CSNK1G3: variants seen among roughly 807,000 people sequenced by gnomAD.
CSNK1G3 encodes casein kinase 1 gamma 3, also known as casein kinase I isoform gamma-3.
A neutral mutation model predicts 64.3 loss-of-function variants in CSNK1G3; 23 were observed. The observed-to-expected ratio is 0.36, with a 90% confidence interval of 0.26 to 0.51. CSNK1G3 has a LOEUF of 0.51. Among genes scored for constraint, CSNK1G3 ranks in the 20% least tolerant of loss-of-function variants. CSNK1G3 has a pLI of 0.96. For synonymous variants in CSNK1G3, 158 were observed against 162.2 expected, an observed-to-expected ratio of 0.97 and a Z score of 0.20; for missense variants, 357 against 510.5, an observed-to-expected ratio of 0.70 and a Z score of 2.90.
At chr5:123,545,471 T>G in exon 2 of CSNK1G3, 1 of 449,592 alleles carries the variant, frequency 2.2e-6, no homozygotes, top group East Asian at 3.0e-5. Context: ...AGACATGTTT[T>G]GCTGAAAAGA....
At chr5:123,536,445 A>G (rs1455776125) in intron 1 of CSNK1G3, among the ~76,000 whole-genome samples, 1 of 151,216 alleles carries the variant, frequency 6.6e-6, no homozygotes, top group Non-Finnish European at 1.5e-5. Context: ...TTTTTTAAAA[A>G]AAAAAGCTTC....
rs951589057 is a variant in CSNK1G3 at position 123,515,812 on chromosome 5, G to C, written c.-248+3242G>C. 5.3e-5 allele frequency among the ~76,000 whole-genome samples: 8 copies of C among 152,020 alleles called. No homozygotes were observed. The South Asian group carries it at 1.7e-3, about 32-fold the overall frequency. On this transcript the variant is annotated intron_variant, in intron 1 of 12. Coordinates refer to ENST00000345990, the Ensembl canonical transcript of CSNK1G3. Reference sequence around the variant, plus strand: ...AATTTGTGTTCCCTTCAACCTCCCAGTAACAACAATACCTCCTATAATTTA... The same window carrying C: ...AATTTGTGTTCCCTTCAACCTCCCACTAACAACAATACCTCCTATAATTTA...
chr5:123,586,012 A>T (rs921612144), intron 6 of CSNK1G3, among the ~76,000 whole-genome samples: 1 of 152,256 alleles, frequency 6.6e-6, no homozygotes, highest in Non-Finnish European at 1.5e-5. Context: ...TAACAGCTTT[A>T]TTCACAATAG....
At chr5:123,544,635 A>G (rs1283964467) in intron 1 of CSNK1G3, among the ~76,000 whole-genome samples, 1 of 152,220 alleles carries the variant, frequency 6.6e-6, no homozygotes, top group African/African-American at 2.4e-5. Context: ...ATTAAGGTAC[A>G]TTTGATCACT....
chr5:123,567,300 T>G (rs1787102581), intron 4 of CSNK1G3, among the ~76,000 whole-genome samples: 1 of 152,120 alleles, frequency 6.6e-6, no homozygotes, highest in Admixed American at 6.5e-5. Context: ...AGTGACTCAT[T>G]AGAAATATTT....
intron 1 of CSNK1G3, among the ~76,000 whole-genome samples, chr5:123,543,691 G>GT (rs373216576): frequency 6.9e-4 from 105 of 152,214 alleles, no homozygotes; most frequent in African/African-American, 2.5e-3. Context: ...CACCTTTTGT[G>GT]TTTTTTCTAA....
chr5:123,579,565 C>T (rs1337231994), intron 6 of CSNK1G3, among the ~76,000 whole-genome samples: 1 of 151,848 alleles, frequency 6.6e-6, no homozygotes, highest in Non-Finnish European at 1.5e-5. Flanking sequence ...AAAGGTTCAC[C>T]ACTATTTTAT....
At chr5:123,601,593 C>T (rs1432887278) in intron 10 of CSNK1G3, among the ~76,000 whole-genome samples, 2 of 152,324 alleles carry the variant, frequency 1.3e-5, no homozygotes, top group Non-Finnish European at 1.5e-5. Context: ...AAGTCTTCCT[C>T]TGTGAACTGA....
chr5:123,552,142 T>G (rs1331645972), intron 2 of CSNK1G3, among the ~76,000 whole-genome samples: 1 of 132,170 alleles, frequency 7.6e-6, no homozygotes, highest in Non-Finnish European at 1.6e-5. Context: ...TATAAAACGT[T>G]ATGATCCTAA....
chr5:123,596,667 C>T (rs1446322628), intron 10 of CSNK1G3, among the ~76,000 whole-genome samples: 2 of 152,120 alleles, frequency 1.3e-5, no homozygotes, highest in Non-Finnish European at 2.9e-5. Flanking sequence ...GATGTTTGAA[C>T]ATTGCTCGTT....
intron 6 of CSNK1G3, among the ~76,000 whole-genome samples, chr5:123,581,991 C>A (rs1486014946): frequency 6.6e-6 from 1 of 151,826 alleles, no homozygotes; most frequent in African/African-American, 2.4e-5. Context: ...CTTTTGGCCT[C>A]ATTGTTTTTC....
At chr5:123,578,792 G>T (rs1208809274) in intron 6 of CSNK1G3, among the ~76,000 whole-genome samples, 1 of 151,740 alleles carries the variant, frequency 6.6e-6, no homozygotes, top group African/African-American at 2.4e-5. Context: ...TTTTTATATG[G>T]TGTGAGATAG....
chr5:123,522,692 A>T (rs1255358134), intron 1 of CSNK1G3, among the ~76,000 whole-genome samples: 1 of 148,070 alleles, frequency 6.8e-6, no homozygotes, highest in African/African-American at 2.5e-5. Context: ...GAATAATGAT[A>T]AAAAAAAAAG....
chr5:123,558,539 AGTGG>A (rs1209495215), intron 4 of CSNK1G3, among the ~76,000 whole-genome samples: 1 of 152,160 alleles, frequency 6.6e-6, no homozygotes, highest in African/African-American at 2.4e-5. Context: ...TTTACATTCT[AGTGG>A]GTAGAGCTGT....
At chr5:123,528,315 C>A (rs1454780493) in intron 1 of CSNK1G3, among the ~76,000 whole-genome samples, 8 of 152,100 alleles carry the variant, frequency 5.3e-5, no homozygotes, top group Non-Finnish European at 1.2e-4. Flanking sequence ...CCATAACTTT[C>A]TCTTTCCTCT....
At chr5:123,536,419 G>T (rs1780817388) in intron 1 of CSNK1G3, among the ~76,000 whole-genome samples, 1 of 131,418 alleles carries the variant, frequency 7.6e-6, no homozygotes, top group Non-Finnish European at 1.6e-5. Flanking sequence ...GAAAAAATAT[G>T]AAGGGCTTTT....
chr5:123,612,155 T>C (rs1330475364), intron 12 of CSNK1G3, among the ~76,000 whole-genome samples: 1 of 152,198 alleles, frequency 6.6e-6, no homozygotes, highest in Non-Finnish European at 1.5e-5. Flanking sequence ...CATATATTTC[T>C]AGTTGAATCT....
At chr5:123,518,408 C>G (rs1226194112) in intron 1 of CSNK1G3, among the ~76,000 whole-genome samples, 1 of 152,158 alleles carries the variant, frequency 6.6e-6, no homozygotes, top group African/African-American at 2.4e-5. Flanking sequence ...TGGCTCCAAG[C>G]TAGTACTTGA....
chr5:123,536,805 A>T (rs969739396), intron 1 of CSNK1G3, among the ~76,000 whole-genome samples: 2 of 152,132 alleles, frequency 1.3e-5, no homozygotes, highest in African/African-American at 4.8e-5. Flanking sequence ...TCAAAAGAAG[A>T]TACACACATG....
Sources: allele counts gnomAD v4.1 joint callset (sites outside exome capture counted in the v4.1 genomes callset), GRCh38; gene constraint gnomAD v4.1.1; transcripts MANE v1.5; gene names NCBI Gene and HGNC (gene_info 2026-07-23, HGNC 2026-07-21).